The following GRM3 variants were observed in gnomAD, a reference collection of about 807,000 sequenced individuals.
The protein encoded by GRM3 is metabotropic glutamate receptor 3.
GRM3 carries 26 observed loss-of-function variants against 70.5 expected under a neutral mutation model. The observed-to-expected ratio is 0.37, with a 90% CI of 0.27 to 0.51. The LOEUF (loss-of-function observed/expected upper bound fraction) is 0.51, where lower values mean the gene tolerates loss of function less well. GRM3 is among the 20% of genes least tolerant of loss of function. The pLI is 0.93. For synonymous variants in GRM3, 443 were observed against 434.9 expected, an observed-to-expected ratio of 1.02 and a Z score of -0.23; for missense variants, 859 against 1,123.8, an observed-to-expected ratio of 0.76 and a Z score of 3.37.
intron 1 of GRM3, among the ~76,000 whole-genome samples, chr7:86,708,212 A>C (rs1436958966): frequency 1.3e-5 from 2 of 152,086 alleles, no homozygotes; most frequent in African/African-American, 2.4e-5. Context: ...CAAGCACCAT[A>C]AGCCCCCTTC....
chr7:86,700,181 G>A (rs962283174), intron 1 of GRM3, among the ~76,000 whole-genome samples: 2 of 151,814 alleles, frequency 1.3e-5, no homozygotes, highest in Admixed American at 1.3e-4. Context: ...AAAAAATAAC[G>A]ATCTTAGAGA....
chr7:86,815,215 G>A (rs1271833579), intron 3 of GRM3, among the ~76,000 whole-genome samples: 2 of 151,684 alleles, frequency 1.3e-5, no homozygotes, highest in African/African-American at 2.4e-5. Context: ...GACAGAACAC[G>A]TATCTACTTA....
intron 3 of GRM3, among the ~76,000 whole-genome samples, chr7:86,803,855 A>G (rs896694492): frequency 2.0e-5 from 3 of 152,222 alleles, no homozygotes; most frequent in African/African-American, 7.2e-5. Context: ...TCAAAAGTTC[A>G]GAATCCTGAA....
At chr7:86,750,898 A>T (rs1796214496) in intron 1 of GRM3, among the ~76,000 whole-genome samples, 1 of 152,102 alleles carries the variant, frequency 6.6e-6, no homozygotes, top group Admixed American at 6.6e-5. Context: ...CAGGATAGGG[A>T]GGATAATTTA....
chr7:86,760,880 T>A (rs1209651430), intron 1 of GRM3, among the ~76,000 whole-genome samples: 1 of 152,148 alleles, frequency 6.6e-6, no homozygotes, highest in Non-Finnish European at 1.5e-5. Context: ...ATATTTTACA[T>A]GACATTGTCA....
At chr7:86,857,827 A>G (rs1321153435) in intron 5 of GRM3, among the ~76,000 whole-genome samples, 2 of 152,228 alleles carry the variant, frequency 1.3e-5, no homozygotes, top group Non-Finnish European at 2.9e-5. Flanking sequence ...CAGGATTGGT[A>G]GAAAAGCACA....
chr7:86,760,403 G>T (rs1796449728), intron 1 of GRM3, among the ~76,000 whole-genome samples: 1 of 152,086 alleles, frequency 6.6e-6, no homozygotes, highest in African/African-American at 2.4e-5. Flanking sequence ...ACACATGCTT[G>T]TTTACAGTTG....
intron 3 of GRM3, among the ~76,000 whole-genome samples, chr7:86,809,661 A>G (rs968065127): frequency 6.6e-6 from 1 of 152,046 alleles, no homozygotes; most frequent in Non-Finnish European, 1.5e-5. Context: ...TTATTGAAGC[A>G]TCATTCTTAT....
At chr7:86,693,845 T>C (rs1794750001) in intron 1 of GRM3, among the ~76,000 whole-genome samples, 1 of 152,158 alleles carries the variant, frequency 6.6e-6, no homozygotes, top group African/African-American at 2.4e-5. Context: ...AAACTATCTC[T>C]TCCTTTGACC....
chr7:86,794,016 T>C (rs1444419167), intron 3 of GRM3, among the ~76,000 whole-genome samples: 1 of 152,116 alleles, frequency 6.6e-6, no homozygotes, highest in Non-Finnish European at 1.5e-5. Flanking sequence ...CTGTGGTATG[T>C]TTACAGGAAT....
intron 3 of GRM3, among the ~76,000 whole-genome samples, chr7:86,789,665 GTCT>G (rs1797357941): frequency 6.6e-6 from 1 of 152,150 alleles, no homozygotes; most frequent in Non-Finnish European, 1.5e-5. Context: ...GCTGAAAAAA[GTCT>G]TCTTCTGGCT....
chr7:86,697,700 T>G (rs1291255144), intron 1 of GRM3, among the ~76,000 whole-genome samples: 1 of 151,246 alleles, frequency 6.6e-6, no homozygotes, highest in Non-Finnish European at 1.5e-5. Context: ...ATGATTTCCC[T>G]AAAAAAAAAT....
chr7:86,661,502 C>T (rs1456670074), intron 1 of GRM3, among the ~76,000 whole-genome samples: 1 of 151,898 alleles, frequency 6.6e-6, no homozygotes, highest in African/African-American at 2.4e-5. Context: ...TAGTGTTTAA[C>T]TTATTAATGA....
chr7:86,798,666 T>C (rs1007410304), intron 3 of GRM3, among the ~76,000 whole-genome samples: 5 of 152,152 alleles, frequency 3.3e-5, no homozygotes, highest in Admixed American at 2.0e-4. Flanking sequence ...GTTAAGACTT[T>C]GGGGGACTCT....
chr7:86,843,170 C>T (rs1421736627), intron 4 of GRM3, among the ~76,000 whole-genome samples: 1 of 152,164 alleles, frequency 6.6e-6, no homozygotes, highest in Non-Finnish European at 1.5e-5. Flanking sequence ...GATCAACTGA[C>T]TCTGCTAGAT....
intron 1 of GRM3, among the ~76,000 whole-genome samples, chr7:86,738,964 T>C (rs1248924991): frequency 2.0e-5 from 3 of 152,158 alleles, no homozygotes; most frequent in Non-Finnish European, 4.4e-5. Context: ...CATCACTATG[T>C]TGTACACCAG....
intron 5 of GRM3, among the ~76,000 whole-genome samples, chr7:86,861,948 C>A (rs1311122572): frequency 2.0e-5 from 3 of 152,164 alleles, no homozygotes; most frequent in African/African-American, 7.2e-5. Context: ...TGGGTTGCCC[C>A]AGGGTGGTAG....
chr7:86,724,112 T>C lies in GRM3; in HGVS notation c.-140-40894T>C, dbSNP rs1038262273. Among the ~76,000 whole-genome samples the C allele has an allele frequency of 2.0e-5, 3 of 152,304 alleles. No individual in the cohort carries two copies. The South Asian group carries it at 6.2e-4, about 32-fold the overall frequency. On this transcript the variant is annotated intron_variant, in intron 1 of 5. Coordinates refer to ENST00000361669, the MANE Select transcript of GRM3 (RefSeq NM_000840.3). ...AAAAGTGGGATCACTAACATTTCAA[T>C]TAACGCTTTCCAATAACATGAGCAG...
chr7:86,769,229 T>A (rs1796680033), intron 2 of GRM3, among the ~76,000 whole-genome samples: 1 of 152,132 alleles, frequency 6.6e-6, no homozygotes, highest in South Asian at 2.1e-4. Flanking sequence ...TAACTACTTT[T>A]GACTTCCTGC....
Sources: allele counts gnomAD v4.1 joint callset (sites outside exome capture counted in the v4.1 genomes callset), GRCh38; gene constraint gnomAD v4.1.1; transcripts MANE v1.5; gene names NCBI Gene and HGNC (gene_info 2026-07-23, HGNC 2026-07-21).